The following FBXW7 variants were observed in gnomAD, a reference collection of about 807,000 sequenced individuals.
The protein encoded by FBXW7 is F-box/WD repeat-containing protein 7.
Under a neutral mutation model 86.3 loss-of-function variants are expected in FBXW7, and 11 were observed. The ratio of observed to expected loss-of-function variants is 0.13; its 90% CI spans 0.08 to 0.21. The LOEUF (loss-of-function observed/expected upper bound fraction) is 0.21. Ranked by LOEUF, FBXW7 falls within the 10% of genes least tolerant of loss-of-function variation. FBXW7 has a pLI of 1.00. For synonymous variants in FBXW7, 313 were observed against 297.9 expected, an observed-to-expected ratio of 1.05 and a Z score of -0.52; for missense variants, 488 against 847.4, an observed-to-expected ratio of 0.58 and a Z score of 5.27.
chr4:152,444,508 T>C (rs1741197661), intron 2 of FBXW7, among the ~76,000 whole-genome samples: 1 of 152,188 alleles, frequency 6.6e-6, no homozygotes, highest in South Asian at 2.1e-4. Context: ...TGAATACTTT[T>C]AATCCTAAAC....
chr4:152,332,811 G>C (rs1729688760), intron 7 of FBXW7, 92 bp from the exon 8 acceptor site: 1 of 597,350 alleles, frequency 1.7e-6, no homozygotes, highest in Non-Finnish European at 2.2e-6. Context: ...TGAGATACTT[G>C]ATAAATATAA....
chr4:152,332,535 T>C (rs2126546727), intron 8 of FBXW7, 61 bp downstream of exon 8: 1 of 1,411,296 alleles, frequency 7.1e-7, no homozygotes, highest in Non-Finnish European at 9.5e-7. Context: ...TTCTACTTGT[T>C]TTCAGAATCA....
chr4:152,405,190 CA>C (rs1265304679), intron 4 of FBXW7, among the ~76,000 whole-genome samples: 1 of 145,138 alleles, frequency 6.9e-6, no homozygotes, highest in African/African-American at 2.5e-5. Context: ...GGACTGAAAA[CA>C]AATTTACCAA....
At chr4:152,465,140 C>T (rs1052507372) in intron 2 of FBXW7, among the ~76,000 whole-genome samples, 4 of 151,738 alleles carry the variant, frequency 2.6e-5, no homozygotes, top group Admixed American at 6.6e-5. Flanking sequence ...TATATGGAAG[C>T]GACTATAGAC....
chr4:152,324,664 G>C, intron 12 of FBXW7: 1 of 372,000 alleles, frequency 2.7e-6, no homozygotes, highest in Non-Finnish European at 5.0e-6. Context: ...TGAAAACAAA[G>C]CACCTAAAAT....
At chr4:152,484,671 G>C (rs972067259) in intron 2 of FBXW7, among the ~76,000 whole-genome samples, 1 of 152,092 alleles carries the variant, frequency 6.6e-6, no homozygotes, top group African/African-American at 2.4e-5. Flanking sequence ...TTATGCAAAG[G>C]AATATATAGA....
intron 4 of FBXW7, among the ~76,000 whole-genome samples, chr4:152,351,044 C>T (rs1234275020): frequency 6.6e-6 from 1 of 151,896 alleles, no homozygotes; most frequent in Admixed American, 6.6e-5. Flanking sequence ...TTCAACAACC[C>T]CTTTTTAAGA....
intron 4 of FBXW7, among the ~76,000 whole-genome samples, chr4:152,399,561 A>C (rs1736726028): frequency 6.6e-6 from 1 of 152,174 alleles, no homozygotes; most frequent in Non-Finnish European, 1.5e-5. Context: ...GACCCTCTAC[A>C]TAGAAAATCC....
intron 2 of FBXW7, among the ~76,000 whole-genome samples, chr4:152,435,467 A>C (rs1740301006): frequency 6.6e-6 from 1 of 152,172 alleles, no homozygotes; most frequent in Admixed American, 6.5e-5. Flanking sequence ...TTTCCAGTTC[A>C]TCCCATTATT....
At chr4:152,386,854 C>A (rs972581702) in intron 4 of FBXW7, among the ~76,000 whole-genome samples, 1 of 152,140 alleles carries the variant, frequency 6.6e-6, no homozygotes, top group African/African-American at 2.4e-5. Context: ...ATAAATGTGA[C>A]ATGTAATAAA....
At chr4:152,431,668 C>T (rs921026008) in intron 2 of FBXW7, among the ~76,000 whole-genome samples, 5 of 152,088 alleles carry the variant, frequency 3.3e-5, no homozygotes, top group African/African-American at 1.2e-4. Flanking sequence ...CAAATGAAAC[C>T]TCCCAGGAAC....
chr4:152,360,712 G>A lies in FBXW7; in HGVS notation c.502-10588C>T, dbSNP rs150311547. On this transcript the variant is annotated intron_variant, in intron 4 of 13. Transcript: ENST00000281708. ...GGAAGGGTGACTGTAAAACTAGAAG[G>A]TATGTGAGATTCGATAACACAATAT... 1.3e-3 allele frequency among the ~76,000 whole-genome samples: 204 copies of A among 152,070 alleles called. 1 individual carries two copies. Among genetic ancestry groups the A allele is most frequent in the African/African-American group, 4.5e-3 (187 of 41,498 alleles).
chr4:152,395,208 C>A (rs1448324215), intron 4 of FBXW7, among the ~76,000 whole-genome samples: 2 of 152,010 alleles, frequency 1.3e-5, no homozygotes, highest in African/African-American at 2.4e-5. Context: ...CACATCCCGA[C>A]CCTGGAGTTT....
chr4:152,327,805 G>A (rs1729181525), intron 11 of FBXW7, among the ~76,000 whole-genome samples: 1 of 151,954 alleles, frequency 6.6e-6, no homozygotes. Flanking sequence ...GATAGGGTGG[G>A]TGTAAGGTGG....
chr4:152,357,645 A>G (rs902494318), intron 4 of FBXW7, among the ~76,000 whole-genome samples: 6 of 152,012 alleles, frequency 3.9e-5, no homozygotes, highest in Non-Finnish European at 5.9e-5. Context: ...TTGAAGTTTA[A>G]GCTATTTAAA....
intron 2 of FBXW7, among the ~76,000 whole-genome samples, chr4:152,463,235 C>T (rs1196993642): frequency 5.3e-5 from 8 of 151,424 alleles, no homozygotes; most frequent in Admixed American, 1.3e-4. Flanking sequence ...TGCAGTGAGC[C>T]GACACATCAC....
At chr4:152,330,636 G>T (rs373148944) in intron 9 of FBXW7, 96 bp downstream of exon 9, 1 of 1,014,940 alleles carries the variant, frequency 9.9e-7, no homozygotes. Flanking sequence ...TTCTACAGAA[G>T]AGGAGTGTCA....
chr4:152,473,511 G>A lies in FBXW7; in HGVS notation c.-119-60982C>T, dbSNP rs572045241. Among the ~76,000 whole-genome samples the A allele has an allele frequency of 2.0e-5, 3 of 152,174 alleles. No individual in the cohort carries two copies. The South Asian group carries it at 6.2e-4, about 32-fold the overall frequency. On this transcript the variant is annotated intron_variant, in intron 2 of 13. Coordinates refer to ENST00000281708, the MANE Select transcript of FBXW7 (RefSeq NM_001349798.2). Reference sequence around the variant, plus strand: ...CTGTATATATATTTTAAAAGATGAGGTCTTACTCTTTTGCCCAGGCTGAAG... The same window carrying A: ...CTGTATATATATTTTAAAAGATGAGATCTTACTCTTTTGCCCAGGCTGAAG...
chr4:152,335,184 C>T (rs1729946880), intron 7 of FBXW7, among the ~76,000 whole-genome samples: 1 of 152,030 alleles, frequency 6.6e-6, no homozygotes, highest in Non-Finnish European at 1.5e-5. Flanking sequence ...AAATCCTAAC[C>T]CTCAATGTGA....
Sources: allele counts gnomAD v4.1 joint callset (sites outside exome capture counted in the v4.1 genomes callset), GRCh38; gene constraint gnomAD v4.1.1; transcripts MANE v1.5; gene names NCBI Gene and HGNC (gene_info 2026-07-23, HGNC 2026-07-21).